The following RAB3B variants were observed in gnomAD, a reference collection of about 807,000 sequenced individuals.
RAB3B encodes ras-related protein Rab-3B.
Under a neutral mutation model 20.5 loss-of-function variants are expected in RAB3B, and 11 were observed. The observed-to-expected ratio is 0.54, with a 90% confidence interval of 0.34 to 0.89. RAB3B has a LOEUF of 0.89. RAB3B is among the 40% of genes least tolerant of loss of function. The probability of loss-of-function intolerance (pLI) is 0.02; values close to 1 mark genes in which losing one functional copy is unlikely to be tolerated. For missense variants in RAB3B, 225 were observed against 280.9 expected (o/e 0.80, Z 1.42); for synonymous variants, 99 against 106.3 (o/e 0.93, Z 0.42).
chr1:51,924,350 T>A (rs912995263), intron 4 of RAB3B, among the ~76,000 whole-genome samples: 2 of 152,112 alleles, frequency 1.3e-5, no homozygotes, highest in African/African-American at 2.4e-5. Context: ...AGAGAAAGCA[T>A]CTAACCAAGC....
At chr1:51,968,758 T>C (rs1479511627) in intron 2 of RAB3B, among the ~76,000 whole-genome samples, 2 of 152,232 alleles carry the variant, frequency 1.3e-5, no homozygotes, top group African/African-American at 2.4e-5. Context: ...TAACATTTCA[T>C]GGAGGCTGCT....
At chr1:51,928,404 G>A (rs1684276495) in intron 4 of RAB3B, among the ~76,000 whole-genome samples, 1 of 152,214 alleles carries the variant, frequency 6.6e-6, no homozygotes, top group Non-Finnish European at 1.5e-5. Context: ...ACCAAGCCCA[G>A]CCTCACAGCT....
rs978207549 is a variant in RAB3B at position 51,916,426 on chromosome 1, G to A, written c.*3501C>T. ...TACTAAAATATCCAGGCGTCATGAG[G>A]ACCTTGGTCTGAAATCCTAGTACTA... On this transcript the variant is annotated 3_prime_UTR_variant, in exon 5 of 5. Transcript: ENST00000371655. 2.0e-5 allele frequency: 3 copies of A among 152,208 alleles called. No homozygotes were observed. Among genetic ancestry groups the A allele is most frequent in the African/African-American group, 7.2e-5 (3 of 41,444 alleles). 9.4% of individuals were successfully genotyped at this position (152,208 alleles called of 1,614,324 possible).
rs1557957981 is a variant in RAB3B, at chr1:51,912,557, ATATATATATATATATAT to A, written c.*7353_*7369del. On this transcript the variant is annotated 3_prime_UTR_variant, in exon 5 of 5. Transcript: ENST00000371655. ...CCGTCTCTATTAAAAAAAAAAAAAT[ATATATATATATATATAT>A]ATATATATATATATATATATATATA... is the stretch of plus-strand genomic sequence containing the variant. 3.2e-4 allele frequency: 7 copies of A among 21,618 alleles called. 3 individuals carry two copies. Among genetic ancestry groups the A allele is most frequent in the African/African-American group, 1.5e-3 (7 of 4,738 alleles). The allele number at this position is 21,618 out of a possible 1,614,324, so 1.3% of individuals were successfully genotyped here.
Position 51,919,316 on chromosome 1 carries a change from C to G in RAB3B, c.*611G>C, listed in dbSNP as rs940333096. 1.3e-5 allele frequency: 2 copies of G among 152,370 alleles called. No homozygotes were observed. Among genetic ancestry groups the G allele is most frequent in the African/African-American group, 2.4e-5 (1 of 41,470 alleles). 9.4% of individuals were successfully genotyped at this position (152,370 alleles called of 1,614,324 possible). On this transcript the variant is annotated 3_prime_UTR_variant, in exon 5 of 5. Coordinates refer to ENST00000371655, the MANE Select transcript of RAB3B (RefSeq NM_002867.4). ...TCTCTTAAGTGTGTTTCTGACTCAG[C>G]CTTTGCTCCTTCAGCATCATTAGAG...
intron 1 of RAB3B, among the ~76,000 whole-genome samples, chr1:51,981,091 C>A (rs923721322): frequency 2.6e-5 from 4 of 152,102 alleles, no homozygotes; most frequent in African/African-American, 9.7e-5. Context: ...AGTGCAATGG[C>A]ACTATCTTGG....
rs1006112911 is a variant in RAB3B, at chr1:51,986,214, G to A, written c.-1+4338C>T. Among the ~76,000 whole-genome samples, 5 of 147,132 alleles carry A rather than the reference G, an allele frequency of 3.4e-5. No individual in the cohort carries two copies. The South Asian group carries it at 6.4e-4, about 19-fold the overall frequency. On this transcript the variant is annotated intron_variant, in intron 1 of 4. Transcript: ENST00000371655. Reference sequence around the variant, plus strand: ...CGCCCAGGCTGGAGGGCAGTGGCGCGATCTCAGCTCACTGCAAGCTCCGCC... The same window carrying A: ...CGCCCAGGCTGGAGGGCAGTGGCGCAATCTCAGCTCACTGCAAGCTCCGCC...
At chr1:51,937,002 C>T (rs963818389) in intron 3 of RAB3B, among the ~76,000 whole-genome samples, 32 of 152,110 alleles carry the variant, frequency 2.1e-4, no homozygotes, top group African/African-American at 6.3e-4. Context: ...TTAGTAGAGA[C>T]GGGGTTTCAC....
chr1:51,941,087 C>T (rs190425107), intron 2 of RAB3B, among the ~76,000 whole-genome samples: 105 of 152,058 alleles, frequency 6.9e-4, no homozygotes, highest in Middle Eastern at 6.8e-3. Flanking sequence ...AGCCCAGGAG[C>T]ATCACATGAA....
intron 2 of RAB3B, among the ~76,000 whole-genome samples, chr1:51,969,713 C>A (rs1243961597): frequency 6.6e-6 from 1 of 152,178 alleles, no homozygotes; most frequent in African/African-American, 2.4e-5. Context: ...TTATCAATCT[C>A]CCTAGAACCT....
intron 2 of RAB3B, among the ~76,000 whole-genome samples, chr1:51,965,463 A>G (rs1020875484): frequency 6.6e-5 from 10 of 152,108 alleles, no homozygotes; most frequent in African/African-American, 9.7e-5. Context: ...CCTGGCCAAC[A>G]TGGCAAAACC....
intron 1 of RAB3B, among the ~76,000 whole-genome samples, chr1:51,983,046 ATTT>A: frequency 6.6e-6 from 1 of 152,042 alleles, no homozygotes; most frequent in Non-Finnish European, 1.5e-5. Flanking sequence ...TAGGTGTACC[ATTT>A]TTTATCTCTT....
At position 51,916,232 on chromosome 1, in the gene RAB3B, C is replaced by A. The variant is rs1047137349; in HGVS notation, c.*3695G>T. ...CAAGCAGGTCTGGTTGTCTGTTGCC[C>A]AGTAGACAAGCTTGCCACTATAACA... On this transcript the variant is annotated 3_prime_UTR_variant, in exon 5 of 5. Coordinates refer to ENST00000371655, the MANE Select transcript of RAB3B (RefSeq NM_002867.4). The A allele has an allele frequency of 2.0e-5, 3 of 152,206 alleles. No individual in the cohort carries two copies. The highest frequency in any genetic ancestry group is 2.1e-4 in the South Asian group (1 of 4,828). 9.4% of individuals were successfully genotyped at this position (152,206 alleles called of 1,614,324 possible).
chr1:51,922,817 C>T (rs1280923321), intron 4 of RAB3B, among the ~76,000 whole-genome samples: 2 of 152,104 alleles, frequency 1.3e-5, no homozygotes, highest in African/African-American at 2.4e-5. Context: ...CTGCCTCAGC[C>T]TCCTGAGTAG....
Position 51,912,123 on chromosome 1 carries a change from T to C in RAB3B, c.*7804A>G, listed in dbSNP as rs1557957735. 6.8e-6 allele frequency: 1 copy of C among 146,174 alleles called. No individual in the cohort carries two copies. The highest frequency in any genetic ancestry group is 1.5e-5 in the Non-Finnish European group (1 of 66,756). The allele number at this position is 146,174 out of a possible 1,614,324, so 9.1% of individuals were successfully genotyped here. ...TCTTTTTTTTCTTTCTTTCTTTCTT[T>C]TTTTTTTTTTTTTGAGAGGGGGACA... On this transcript the variant is annotated 3_prime_UTR_variant, in exon 5 of 5. Coordinates refer to ENST00000371655, the MANE Select transcript of RAB3B (RefSeq NM_002867.4).
intron 4 of RAB3B, 41 bp from the exon 5 acceptor site, chr1:51,920,155 C>T: frequency 6.5e-7 from 1 of 1,549,306 alleles, no homozygotes; most frequent in Non-Finnish European, 8.8e-7. Context: ...TTTCCCATCC[C>T]TTCTGCTGGA....
At chr1:51,983,068 T>C (rs1303564340) in intron 1 of RAB3B, among the ~76,000 whole-genome samples, 1 of 152,050 alleles carries the variant, frequency 6.6e-6, no homozygotes, top group Non-Finnish European at 1.5e-5. Context: ...TTATACCATA[T>C]TATGCCTGGG....
intron 1 of RAB3B, among the ~76,000 whole-genome samples, chr1:51,983,927 T>C (rs1685119242): frequency 6.6e-6 from 1 of 151,216 alleles, no homozygotes; most frequent in African/African-American, 2.4e-5. Flanking sequence ...ACAACTACAC[T>C]CCAGTCTGGG....
chr1:51,984,469 C>A (rs1245368866), intron 1 of RAB3B, among the ~76,000 whole-genome samples: 1 of 145,102 alleles, frequency 6.9e-6, no homozygotes, highest in East Asian at 2.1e-4. Flanking sequence ...TGGCTCACTG[C>A]AACCTCCAAC....
Sources: gnomAD v4.1 joint callset for allele counts (sites outside exome capture counted in the v4.1 genomes callset) on GRCh38, gnomAD v4.1.1 for gene constraint, MANE v1.5 for transcripts, NCBI Gene and HGNC (gene_info 2026-07-23, HGNC 2026-07-21) for gene names.